Variants in LYPD6 observed in about 807,000 individuals in gnomAD.
The protein encoded by LYPD6 is LY6/PLAUR domain containing 6, also known as ly6/PLAUR domain-containing protein 6.
In LYPD6, 15 loss-of-function variants were observed where a neutral mutation model predicts 22.7. The observed-to-expected ratio is 0.66, with a 90% CI of 0.44 to 1.02. The LOEUF is 1.02. Among genes scored for constraint, LYPD6 ranks in the 50% least tolerant of loss-of-function variants. The probability of loss-of-function intolerance (pLI) is 0.00; values close to 1 mark genes in which losing one functional copy is unlikely to be tolerated. For synonymous variants in LYPD6, 72 were observed against 77.5 expected (o/e 0.93, Z 0.37); for missense variants, 189 against 208.4 (o/e 0.91, Z 0.57).
chr2:149,429,790 T>G (rs1237175927), intron 1 of LYPD6, among the ~76,000 whole-genome samples: 1 of 152,168 alleles, frequency 6.6e-6, no homozygotes, highest in Non-Finnish European at 1.5e-5. Context: ...TTGGAGCCCC[T>G]GGGGGTTGGC....
chr2:149,467,554 C>G (rs1426924625), intron 3 of LYPD6, among the ~76,000 whole-genome samples: 1 of 151,910 alleles, frequency 6.6e-6, no homozygotes, highest in Non-Finnish European at 1.5e-5. Context: ...TAAAAGCTGC[C>G]AAAATCATGA....
At chr2:149,380,668 G>A (rs1682040037) in intron 1 of LYPD6, among the ~76,000 whole-genome samples, 1 of 152,112 alleles carries the variant, frequency 6.6e-6, no homozygotes, top group South Asian at 2.1e-4. Flanking sequence ...AAAACGTTGG[G>A]TAAACAGTTG....
intron 1 of LYPD6, among the ~76,000 whole-genome samples, chr2:149,357,302 T>G (rs1168879537): frequency 6.6e-6 from 1 of 152,342 alleles, no homozygotes; most frequent in East Asian, 1.9e-4. Flanking sequence ...AAGCACTTTT[T>G]GCAGGAAAAG....
chr2:149,402,724 ATTTT>A (rs1331761644), intron 1 of LYPD6, among the ~76,000 whole-genome samples: 2 of 149,188 alleles, frequency 1.3e-5, no homozygotes, highest in Admixed American at 6.7e-5. Context: ...CTTTTTTTTT[ATTTT>A]TTTATTTTAT....
chr2:149,428,639 A>G (rs1395479714), intron 1 of LYPD6, among the ~76,000 whole-genome samples: 4 of 152,346 alleles, frequency 2.6e-5, no homozygotes, highest in African/African-American at 9.6e-5. Flanking sequence ...ACTGACCCAA[A>G]TAACAGTAGC....
intron 1 of LYPD6, among the ~76,000 whole-genome samples, chr2:149,415,901 T>G (rs1205915575): frequency 6.6e-6 from 1 of 152,042 alleles, no homozygotes; most frequent in East Asian, 1.9e-4. Flanking sequence ...AGGCTGGTCT[T>G]GAACTCCTGG....
Position 149,343,913 on chromosome 2 carries a change from A to C in LYPD6, c.-72+13191A>C, listed in dbSNP as rs534341062. Among the ~76,000 whole-genome samples the C allele has an allele frequency of 5.3e-4, 81 of 152,318 alleles. 1 individual carries two copies. The highest frequency in any genetic ancestry group is 1.9e-3 in the African/African-American group (80 of 41,586). ...ACAGGAAAAAAAAAACAGTGGATTA[A>C]AAATGTTTTTGTTTTTTGAGTTGCA... On this transcript the variant is annotated intron_variant, in intron 1 of 4. Coordinates refer to ENST00000334166, the MANE Select transcript of LYPD6 (RefSeq NM_194317.5).
At chr2:149,445,033 G>A (rs1683654804) in intron 2 of LYPD6, among the ~76,000 whole-genome samples, 1 of 152,168 alleles carries the variant, frequency 6.6e-6, no homozygotes, top group Admixed American at 6.5e-5. Context: ...AACTCAAAAT[G>A]ACTTCTTGAT....
intron 1 of LYPD6, among the ~76,000 whole-genome samples, chr2:149,346,199 AT>A (rs200331469): frequency 1.4e-4 from 21 of 151,894 alleles, no homozygotes; most frequent in East Asian, 9.7e-4. Flanking sequence ...GTTAAAAAAT[AT>A]TTTTTTTTGT....
At chr2:149,460,513 G>T (rs1252242006) in intron 3 of LYPD6, among the ~76,000 whole-genome samples, 1 of 151,862 alleles carries the variant, frequency 6.6e-6, no homozygotes, top group East Asian at 1.9e-4. Context: ...AGGAAAGGAG[G>T]AATAGATAAA....
chr2:149,404,662 A>G (rs1344275981), intron 1 of LYPD6, among the ~76,000 whole-genome samples: 1 of 152,210 alleles, frequency 6.6e-6, no homozygotes, highest in Non-Finnish European at 1.5e-5. Flanking sequence ...CTAGATATAC[A>G]ATCATGTCGT....
chr2:149,451,313 C>G (rs1163613812), intron 3 of LYPD6, among the ~76,000 whole-genome samples: 2 of 152,148 alleles, frequency 1.3e-5, no homozygotes, highest in African/African-American at 4.8e-5. Flanking sequence ...TTCTTGAGGG[C>G]TCCAGACTCA....
At chr2:149,418,499 T>G (rs1683012290) in intron 1 of LYPD6, among the ~76,000 whole-genome samples, 1 of 152,218 alleles carries the variant, frequency 6.6e-6, no homozygotes, top group Admixed American at 6.5e-5. Context: ...CATTTTGATC[T>G]GTATTGATAA....
intron 1 of LYPD6, among the ~76,000 whole-genome samples, chr2:149,364,494 T>G (rs1383774977): frequency 2.6e-5 from 4 of 152,160 alleles, no homozygotes; most frequent in Non-Finnish European, 5.9e-5. Context: ...ATTGTTTCTT[T>G]TGTTTACTTG....
rs190067448 is a variant in LYPD6 at position 149,440,906 on chromosome 2, C to T, written c.118+3080C>T. On this transcript the variant is annotated intron_variant, in intron 2 of 4. Transcript: ENST00000334166. ...TATTTTTAGTAGAGACGGGTTTCAC[C>T]GTGTTAGCCAGGATGGTCTCCATCT... is the stretch of plus-strand genomic sequence containing the variant. 5.8e-3 allele frequency among the ~76,000 whole-genome samples: 885 copies of T among 151,672 alleles called. 5 individuals carry two copies. The highest frequency in any genetic ancestry group is 0.019 in the African/African-American group (801 of 41,332).
downstream of LYPD6, among the ~76,000 whole-genome samples, chr2:149,478,389 TGTGTGTGTGTGC>T (rs1681474361): frequency 1.6e-5 from 1 of 61,904 alleles, no homozygotes; most frequent in Non-Finnish European, 4.3e-5. Flanking sequence ...TGTGTGTGTG[TGTGTGTGTGTGC>T]GCGCACGCAT....
intron 1 of LYPD6, among the ~76,000 whole-genome samples, chr2:149,363,728 TGCTTTGAGAAACA>T (rs1681611554): frequency 6.6e-6 from 1 of 152,186 alleles, no homozygotes. Context: ...CATGGGAAAG[TGCTTTGAGAAACA>T]GCAGGCACTA....
chr2:149,400,046 G>A lies in LYPD6; in HGVS notation c.-71-37592G>A, dbSNP rs139557855. 7.0e-3 allele frequency among the ~76,000 whole-genome samples: 1,059 copies of A among 152,306 alleles called. 12 individuals carry two copies. Among genetic ancestry groups the A allele is most frequent in the African/African-American group, 0.024 (981 of 41,554 alleles). On this transcript the variant is annotated intron_variant, in intron 1 of 4. Coordinates refer to ENST00000334166, the MANE Select transcript of LYPD6 (RefSeq NM_194317.5). ...GGGTGGAAAAGCCTGTGTGACTGTC[G>A]GAGGGGAGCAGCTGGGTCCTTCCCA... is the stretch of plus-strand genomic sequence containing the variant.
chr2:149,468,831 A>G, intron 4 of LYPD6, 56 bp downstream of exon 4: 1 of 1,589,818 alleles, frequency 6.3e-7, no homozygotes, highest in African/African-American at 1.3e-5. Context: ...TTCTCTTCAG[A>G]CATCTGCCAG....
Sources: gnomAD v4.1 joint callset for allele counts (sites outside exome capture counted in the v4.1 genomes callset) on GRCh38, gnomAD v4.1.1 for gene constraint, MANE v1.5 for transcripts, NCBI Gene and HGNC (gene_info 2026-07-23, HGNC 2026-07-21) for gene names.